The following NTNG1 variants were observed in gnomAD, a reference collection of about 807,000 sequenced individuals.
NTNG1 encodes netrin G1.
NTNG1 carries 16 observed loss-of-function variants against 54.0 expected under a neutral mutation model. That is an observed-to-expected ratio of 0.30 (90% confidence interval 0.20 to 0.45). NTNG1 has a LOEUF of 0.45. Ranked by LOEUF, NTNG1 falls within the 20% of genes least tolerant of loss-of-function variation. NTNG1 has a pLI of 1.00. For missense variants in NTNG1, 530 were observed against 678.7 expected, an observed-to-expected ratio of 0.78 and a Z score of 2.43; for synonymous variants, 255 against 263.1, an observed-to-expected ratio of 0.97 and a Z score of 0.30.
intron 2 of NTNG1, among the ~76,000 whole-genome samples, chr1:107,276,780 A>G (rs1196279888): frequency 6.6e-6 from 1 of 151,982 alleles, no homozygotes; most frequent in Non-Finnish European, 1.5e-5. Flanking sequence ...AATGATATTC[A>G]TGCCTAGTAT....
In NTNG1 at chr1:107,324,382, C is replaced by A; in HGVS notation, c.347C>A (p.Thr116Lys). The A allele has an allele frequency of 6.2e-7, 1 of 1,613,820 alleles. No homozygotes were observed. The highest frequency in any genetic ancestry group is 8.5e-7 in the Non-Finnish European group (1 of 1,179,812). ...MFDFEGRHPSTFWQSATWKEY... is the reference protein window; with the variant it reads ...MFDFEGRHPSKFWQSATWKEY... ...GATTTTGAAGGAAGACATCCCTCCA[C>A]ATTTTGGCAGTCTGCCACTTGGAAG... The change falls in exon 3 of 8, where the codon ACA becomes AAA. Residue 116 changes from threonine (T) to lysine (K), a missense_variant. Coordinates refer to ENST00000370068, the MANE Select transcript of NTNG1 (RefSeq NM_001113226.3).
chr1:107,318,415 A>C (rs1667456180), intron 2 of NTNG1, among the ~76,000 whole-genome samples: 1 of 151,566 alleles, frequency 6.6e-6, no homozygotes, highest in African/African-American at 2.4e-5. Context: ...GGATATGCCA[A>C]AGAGAAGCTG....
chr1:107,455,643 T>C (rs777907315), intron 7 of NTNG1: 8 of 492,320 alleles, frequency 1.6e-5, no homozygotes, highest in South Asian at 1.2e-4. Context: ...GGAAGGTAAC[T>C]GCTGTTGCAC....
At chr1:107,226,559 T>A (rs1214184707) in intron 2 of NTNG1, among the ~76,000 whole-genome samples, 1 of 152,158 alleles carries the variant, frequency 6.6e-6, no homozygotes, top group Non-Finnish European at 1.5e-5. Flanking sequence ...CTTACCCAAC[T>A]ATGTTTCTAC....
chr1:107,453,533 C>G (rs1395607242), intron 7 of NTNG1, among the ~76,000 whole-genome samples: 1 of 152,144 alleles, frequency 6.6e-6, no homozygotes, highest in African/African-American at 2.4e-5. Flanking sequence ...GAATAGAGAT[C>G]ATGACCAAAG....
intron 4 of NTNG1, among the ~76,000 whole-genome samples, chr1:107,399,447 T>C (rs1672885322): frequency 6.6e-6 from 1 of 152,224 alleles, no homozygotes. Context: ...ACTTGAATTG[T>C]TACACAATAT....
chr1:107,177,084 T>G (rs947324026), intron 2 of NTNG1, among the ~76,000 whole-genome samples: 49 of 152,184 alleles, frequency 3.2e-4, no homozygotes, highest in African/African-American at 1.2e-3. Context: ...CTCAACTTCC[T>G]TCATGATAGC....
intron 7 of NTNG1, among the ~76,000 whole-genome samples, chr1:107,479,354 T>A (rs1678542820): frequency 6.6e-6 from 1 of 152,202 alleles, no homozygotes; most frequent in African/African-American, 2.4e-5. Context: ...CTCTATTGAG[T>A]TACTACTTGG....
chr1:107,181,882 A>C (rs1004880702), intron 2 of NTNG1, among the ~76,000 whole-genome samples: 1 of 152,164 alleles, frequency 6.6e-6, no homozygotes, highest in African/African-American at 2.4e-5. Context: ...ATTATTCATT[A>C]GATAAGAGCA....
chr1:107,438,166 A>G (rs1172579530), intron 7 of NTNG1, among the ~76,000 whole-genome samples: 1 of 152,194 alleles, frequency 6.6e-6, no homozygotes, highest in African/African-American at 2.4e-5. Flanking sequence ...TCTAAGTAAT[A>G]TAACTCCAAA....
At chr1:107,401,174 C>A (rs773935847) in intron 4 of NTNG1, among the ~76,000 whole-genome samples, 1 of 152,134 alleles carries the variant, frequency 6.6e-6, no homozygotes. Context: ...CATGGCCAAT[C>A]GAACCATCTA....
At chr1:107,415,517 C>T (rs1228465033) in intron 5 of NTNG1, among the ~76,000 whole-genome samples, 1 of 152,072 alleles carries the variant, frequency 6.6e-6, no homozygotes, top group Non-Finnish European at 1.5e-5. Flanking sequence ...AAAGTAAAAT[C>T]CGGAGAAATT....
chr1:107,238,389 T>G (rs937751540), intron 2 of NTNG1, among the ~76,000 whole-genome samples: 71 of 152,286 alleles, frequency 4.7e-4, no homozygotes, highest in African/African-American at 1.7e-3. Flanking sequence ...GGATGAGACT[T>G]TGGACTGTGG....
At chr1:107,261,403 G>A (rs185015747) in intron 2 of NTNG1, among the ~76,000 whole-genome samples, 78 of 152,136 alleles carry the variant, frequency 5.1e-4, no homozygotes, top group Middle Eastern at 3.4e-3. Flanking sequence ...GTTAACATCA[G>A]GTGGAAAATG....
In NTNG1 at chr1:107,154,595, CAAAAAAAAAAAAA is replaced by C. The variant is rs59619310; in HGVS notation, c.246+5773_246+5785del. ...TAGGCAACAAAGCAAGACCCTGTCT[CAAAAAAAAAAAAA>C]AAAAAAAAAAAAAAAACTGGGTGGA... On this transcript the variant is annotated intron_variant, in intron 2 of 7. Coordinates refer to ENST00000370068, the MANE Select transcript of NTNG1 (RefSeq NM_001113226.3). Among the ~76,000 whole-genome samples the C allele has an allele frequency of 5.2e-4, 25 of 47,776 alleles. 1 individual carries two copies. In the East Asian group the frequency reaches 0.018, roughly 35 times the overall value. 31.3% of individuals were successfully genotyped at this position (47,776 alleles called of 152,430 possible).
At chr1:107,162,063 T>C (rs7547969) in intron 2 of NTNG1, among the ~76,000 whole-genome samples, 85,729 of 151,882 alleles carry the variant, frequency 0.56, 26,476 homozygotes, top group African/African-American at 0.83. Context: ...GTATATATTT[T>C]ATTGTATAAA....
chr1:107,350,496 A>G (rs532671316), intron 3 of NTNG1, among the ~76,000 whole-genome samples: 1 of 152,214 alleles, frequency 6.6e-6, no homozygotes, highest in Non-Finnish European at 1.5e-5. Context: ...CTGTGTATAT[A>G]TCAAAAGGAA....
intron 3 of NTNG1, among the ~76,000 whole-genome samples, chr1:107,346,646 A>G (rs1669257304): frequency 6.6e-6 from 1 of 152,122 alleles, no homozygotes; most frequent in South Asian, 2.1e-4. Flanking sequence ...AGCTAGTTTA[A>G]AAAGGAACTT....
chr1:107,340,195 A>G (rs1028765726), intron 3 of NTNG1, among the ~76,000 whole-genome samples: 2 of 152,046 alleles, frequency 1.3e-5, no homozygotes, highest in Admixed American at 6.6e-5. Flanking sequence ...CTTATGCCTT[A>G]TTTTAGTACC....
Sources: gnomAD v4.1 joint callset for allele counts (sites outside exome capture counted in the v4.1 genomes callset) on GRCh38, gnomAD v4.1.1 for gene constraint, MANE v1.5 for transcripts, NCBI Gene and HGNC (gene_info 2026-07-23, HGNC 2026-07-21) for gene names.